Variants in CREB1 observed in about 807,000 individuals in gnomAD.
The protein encoded by CREB1 is cyclic AMP-responsive element-binding protein 1.
A neutral mutation model predicts 42.0 loss-of-function variants in CREB1; 2 were observed. That is an observed-to-expected ratio of 0.05 (90% CI 0.02 to 0.15). The LOEUF (loss-of-function observed/expected upper bound fraction) is 0.15, where lower values mean the gene tolerates loss of function less well. Among genes scored for constraint, CREB1 ranks in the 10% least tolerant of loss-of-function variants. CREB1 has a pLI of 1.00. For synonymous variants in CREB1, 123 were observed against 139.9 expected (o/e 0.88, Z 0.85); for missense variants, 199 against 388.9 (o/e 0.51, Z 4.11).
chr2:207,603,763 G>A lies in CREB1; in HGVS notation c.*6705G>A, dbSNP rs1449920108. On this transcript the variant is annotated 3_prime_UTR_variant, in exon 8 of 8. Transcript: ENST00000353267. ...GACAATAAGACTATATACCTTCTCA[G>A]GTCCCCTTGCAATTCTAAAACTCTG... is the stretch of plus-strand genomic sequence containing the variant. Among the ~76,000 whole-genome samples, 1 of 152,116 alleles carries A rather than the reference G, an allele frequency of 6.6e-6. No individual in the cohort carries two copies. Among genetic ancestry groups the A allele is most frequent in the East Asian group, 1.9e-4 (1 of 5,190 alleles).
At chr2:207,575,538 A>AT (rs1373579790) in intron 6 of CREB1, 84 bp downstream of exon 6, 14 of 1,152,666 alleles carry the variant, frequency 1.2e-5, no homozygotes, top group Non-Finnish European at 1.6e-5. Context: ...TAAGTATCAT[A>AT]TTGCAAACCA....
chr2:207,567,552 G>A lies in CREB1; in HGVS notation c.351G>A (p.Arg117=), dbSNP rs769443126. 6 of 1,608,902 alleles carry A rather than the reference G, an allele frequency of 3.7e-6. No homozygotes were observed. The African/African-American group carries it at 5.3e-5, about 14-fold the overall frequency. The change falls in exon 4 of 8, where the codon AGG becomes AGA. Residue 117 remains arginine (R), a synonymous_variant. Coordinates refer to ENST00000353267, the MANE Select transcript of CREB1 (RefSeq NM_004379.5). ...AGCGAAGGGAAATTCTTTCAAGGAG[G>A]CCTTCCTACAGGTATGGAATTTAAT... ...SQKRREILSR[R]PSYRKILNDL... is the part of the protein sequence containing the mutation.
intron 7 of CREB1, among the ~76,000 whole-genome samples, chr2:207,589,623 A>T (rs1221480121): frequency 6.6e-6 from 1 of 152,188 alleles, no homozygotes; most frequent in East Asian, 1.9e-4. Flanking sequence ...ACATTTTTTT[A>T]AAAACTCTCT....
At chr2:207,594,246 A>G (rs1052290239) in intron 7 of CREB1, among the ~76,000 whole-genome samples, 2 of 152,172 alleles carry the variant, frequency 1.3e-5, no homozygotes, top group Non-Finnish European at 2.9e-5. Flanking sequence ...ATATAACAAA[A>G]TTGACCATCT....
At chr2:207,564,258 G>A (rs1174222313) in intron 3 of CREB1, among the ~76,000 whole-genome samples, 1 of 152,010 alleles carries the variant, frequency 6.6e-6, no homozygotes, top group African/African-American at 2.4e-5. Flanking sequence ...AGGTGCAGTG[G>A]CCTATAATCC....
intron 1 of CREB1, among the ~76,000 whole-genome samples, chr2:207,537,157 C>T (rs1390456734): frequency 2.0e-5 from 3 of 151,936 alleles, no homozygotes; most frequent in Non-Finnish European, 4.4e-5. Flanking sequence ...TGGGTTAAAG[C>T]GATTCCCCTG....
intron 1 of CREB1, among the ~76,000 whole-genome samples, chr2:207,546,736 AAAC>A (rs1333948294): frequency 6.6e-6 from 1 of 151,878 alleles, no homozygotes; most frequent in African/African-American, 2.4e-5. Context: ...ATCAAAAAAA[AAAC>A]AAAAAACAAC....
chr2:207,534,604 A>G (rs2080791929), intron 1 of CREB1: 1 of 152,248 alleles, frequency 6.6e-6, no homozygotes, highest in Non-Finnish European at 1.5e-5. Flanking sequence ...ACCCTCAGGA[A>G]CTGTTGGGGA....
chr2:207,548,027 C>T (rs906704618), intron 1 of CREB1, among the ~76,000 whole-genome samples: 4 of 151,946 alleles, frequency 2.6e-5, no homozygotes, highest in Admixed American at 6.6e-5. Flanking sequence ...CCCCACCTCC[C>T]GGGTACAGCA....
intron 5 of CREB1, chr2:207,571,707 A>T (rs1330932841): frequency 2.2e-6 from 1 of 454,814 alleles, no homozygotes. Flanking sequence ...ACATTGATAC[A>T]TGATGTTTAT....
chr2:207,552,878 AGT>A (rs1308757320), intron 1 of CREB1, among the ~76,000 whole-genome samples: 1 of 151,878 alleles, frequency 6.6e-6, no homozygotes, highest in Admixed American at 6.6e-5. Context: ...GGCCTCCCCA[AGT>A]GCTGGGATTA....
chr2:207,545,731 CTTTTT>C (rs11356093), intron 1 of CREB1, among the ~76,000 whole-genome samples: 1 of 136,878 alleles, frequency 7.3e-6, no homozygotes. Flanking sequence ...AGGAAGTGAA[CTTTTT>C]TTTTTTTTTT....
At chr2:207,540,669 TAAAAAAAAAAAAAAAAAAA>T (rs35714520) in intron 1 of CREB1, among the ~76,000 whole-genome samples, 1 of 64,268 alleles carries the variant, frequency 1.6e-5, no homozygotes, top group Non-Finnish European at 2.6e-5. Context: ...GTTTAAAAAG[TAAAAAAAAAAAAAAAAAAA>T]AAAAAAAAAG....
chr2:207,563,934 A>G (rs1445242650), intron 3 of CREB1, among the ~76,000 whole-genome samples: 2 of 152,030 alleles, frequency 1.3e-5, no homozygotes, highest in Non-Finnish European at 2.9e-5. Flanking sequence ...ACAGAGTGAG[A>G]CTCTGTCTCA....
At chr2:207,561,809 T>G (rs1303116968) in intron 3 of CREB1, among the ~76,000 whole-genome samples, 2 of 152,210 alleles carry the variant, frequency 1.3e-5, no homozygotes, top group African/African-American at 4.8e-5. Flanking sequence ...CCTGGAAGCA[T>G]TCTATTAATG....
At chr2:207,547,921 T>G (rs2081356632) in intron 1 of CREB1, among the ~76,000 whole-genome samples, 1 of 152,064 alleles carries the variant, frequency 6.6e-6, no homozygotes, top group African/African-American at 2.4e-5. Flanking sequence ...TGTTTCTATA[T>G]ATCAGATGAT....
chr2:207,561,151 C>T (rs759161276), intron 3 of CREB1: 11 of 1,612,640 alleles, frequency 6.8e-6, no homozygotes, highest in Admixed American at 1.7e-5. Flanking sequence ...GACTTTTCTC[C>T]GGAACACAGG....
intron 1 of CREB1, among the ~76,000 whole-genome samples, chr2:207,555,223 G>A (rs2081669503): frequency 6.6e-6 from 1 of 152,126 alleles, no homozygotes; most frequent in Admixed American, 6.5e-5. Context: ...AATAAACTCT[G>A]TCATCATTAG....
chr2:207,542,207 A>G (rs116047915), intron 1 of CREB1, among the ~76,000 whole-genome samples: 2,061 of 152,274 alleles, frequency 0.014, 43 homozygotes, highest in African/African-American at 0.048. Flanking sequence ...GTGTTTAACC[A>G]TTTAAGGAAC....
Sources: allele counts gnomAD v4.1 joint callset (sites outside exome capture counted in the v4.1 genomes callset), GRCh38; gene constraint gnomAD v4.1.1; transcripts MANE v1.5; gene names NCBI Gene and HGNC (gene_info 2026-07-23, HGNC 2026-07-21).